Variants in STAG1 observed in about 807,000 individuals in gnomAD.
STAG1 encodes the protein STAG1 cohesin complex component.
STAG1 carries 26 observed loss-of-function variants against 170.9 expected under a neutral mutation model. The ratio of observed to expected loss-of-function variants is 0.15; its 90% confidence interval spans 0.11 to 0.21. The LOEUF is 0.21. STAG1 is among the 10% of genes least tolerant of loss of function. STAG1 has a pLI of 1.00. For missense variants in STAG1, 964 were observed against 1,509.5 expected, an observed-to-expected ratio of 0.64 and a Z score of 5.99; for synonymous variants, 514 against 497.7, an observed-to-expected ratio of 1.03 and a Z score of -0.44.
chr3:136,747,271 CAAAA>C (rs767416797), intron 1 of STAG1, among the ~76,000 whole-genome samples: 3 of 98,356 alleles, frequency 3.1e-5, no homozygotes, highest in Admixed American at 2.1e-4. Flanking sequence ...AGACTCGTCC[CAAAA>C]AAAAAAAAAA....
intron 22 of STAG1, among the ~76,000 whole-genome samples, chr3:136,397,231 T>C (rs1221871706): frequency 6.6e-6 from 1 of 152,234 alleles, no homozygotes; most frequent in Admixed American, 6.5e-5. Context: ...AACATTTATA[T>C]TTGTGTCAGA....
chr3:136,501,358 A>G (rs545357649), intron 8 of STAG1, among the ~76,000 whole-genome samples: 15 of 152,314 alleles, frequency 9.8e-5, no homozygotes, highest in Non-Finnish European at 2.2e-4. Context: ...CAGAATGTGA[A>G]ATTAGGAGAG....
chr3:136,610,474 G>A (rs1939217285), intron 3 of STAG1, among the ~76,000 whole-genome samples: 1 of 152,136 alleles, frequency 6.6e-6, no homozygotes, highest in Non-Finnish European at 1.5e-5. Context: ...AATGTGCTGT[G>A]AAAGACTGAA....
intron 1 of STAG1, among the ~76,000 whole-genome samples, chr3:136,715,447 C>T (rs542121497): frequency 2.0e-5 from 3 of 151,572 alleles, no homozygotes; most frequent in African/African-American, 4.8e-5. Flanking sequence ...AGTGAAACCA[C>T]GTCTCTACTA....
rs201240364 is a variant in STAG1, at chr3:136,356,745, TTTTTATTTTA to T, written c.3065+965_3065+974del. Among the ~76,000 whole-genome samples, 972 of 151,694 alleles carry T rather than the reference TTTTTATTTTA, an allele frequency of 6.4e-3. 10 individuals carry two copies. The highest frequency in any genetic ancestry group is 0.022 in the African/African-American group (924 of 41,392). ...ATTATAGTATTATCCTCTAAAAAAG[TTTTTATTTTA>T]TTTTATTTTTTTATTGAGACGGAGT... On this transcript the variant is annotated intron_variant, in intron 28 of 33. Coordinates refer to ENST00000383202, the MANE Select transcript of STAG1 (RefSeq NM_005862.3).
At chr3:136,626,333 G>A (rs1029047477) in intron 2 of STAG1, among the ~76,000 whole-genome samples, 8 of 151,484 alleles carry the variant, frequency 5.3e-5, no homozygotes, top group African/African-American at 1.9e-4. Context: ...GGCTGAGGCA[G>A]GAGAATTGCT....
At chr3:136,498,452 A>G (rs1933282184) in intron 9 of STAG1, among the ~76,000 whole-genome samples, 1 of 151,602 alleles carries the variant, frequency 6.6e-6, no homozygotes, top group South Asian at 2.1e-4. Context: ...GAAAATGTAA[A>G]TAATCAGCAC....
At chr3:136,578,126 A>G (rs897685957) in intron 4 of STAG1, among the ~76,000 whole-genome samples, 2 of 152,220 alleles carry the variant, frequency 1.3e-5, no homozygotes, top group East Asian at 1.9e-4. Flanking sequence ...ATGTGCTTTT[A>G]AAGTTCTGTA....
chr3:136,441,030 CTTTT>C (rs68155305), intron 15 of STAG1, among the ~76,000 whole-genome samples: 4 of 81,954 alleles, frequency 4.9e-5, no homozygotes, highest in Non-Finnish European at 9.7e-5. Flanking sequence ...ACCATCTTTC[CTTTT>C]TTTTTTTTTT....
chr3:136,354,754 C>CAAAAAAA lies in STAG1; in HGVS notation c.3065+2959_3065+2965dup. Among the ~76,000 whole-genome samples the CAAAAAAA allele has an allele frequency of 6.1e-4, 4 of 6,516 alleles. 1 individual carries two copies. The highest frequency in any genetic ancestry group is 2.2e-3 in the African/African-American group (3 of 1,388). The allele number at this position is 6,516 out of a possible 152,430, so 4.3% of individuals were successfully genotyped here. Reference sequence around the variant, plus strand: ...AAGAAGGCAGTAAAGGAGAAAGAACCAAAAAAAAAAAAAACCAAAAAACAA... The same window carrying CAAAAAAA: ...AAGAAGGCAGTAAAGGAGAAAGAACCAAAAAAAAAAAAAAAAAAAAACCAAAAAACAA... On this transcript the variant is annotated intron_variant, in intron 28 of 33. Transcript: ENST00000383202.
At chr3:136,446,241 T>C (rs539586812) in intron 14 of STAG1, among the ~76,000 whole-genome samples, 14 of 152,264 alleles carry the variant, frequency 9.2e-5, no homozygotes, top group African/African-American at 2.9e-4. Context: ...GCTCAGGTTT[T>C]TGTTTTTTGT....
chr3:136,490,923 TAAC>T (rs2090113784), intron 9 of STAG1, among the ~76,000 whole-genome samples: 1 of 152,198 alleles, frequency 6.6e-6, no homozygotes, highest in Admixed American at 6.5e-5. Context: ...ATTACTGAAA[TAAC>T]AATCTTTCTG....
Position 136,477,340 on chromosome 3 carries a change from G to A in STAG1, c.975C>T (p.Ala325=), listed in dbSNP as rs771640948. Residue 325 remains alanine, a synonymous_variant, in exon 10 of 34, where the codon GCC becomes GCT. Transcript: ENST00000383202. ...IGVWMKMYSD[A]FLNDSYLKYV... The stretch of plus-strand genomic sequence containing the variant: ...ATTTTAGGTAACTGTCATTTAGGAA[G>A]GCATCACTATACATTTTCATCCATA... 4.3e-6 allele frequency: 7 copies of A among 1,612,912 alleles called. No homozygotes were observed. The highest frequency in any genetic ancestry group is 5.9e-6 in the Non-Finnish European group (7 of 1,179,654).
intron 16 of STAG1, among the ~76,000 whole-genome samples, chr3:136,428,929 A>G (rs9867368): frequency 0.81 from 122,705 of 152,156 alleles, 49,684 homozygotes; most frequent in East Asian, 0.99. Context: ...GAGGAAAGGA[A>G]TTCGAGACCA....
chr3:136,459,142 C>T (rs781618531), intron 13 of STAG1, among the ~76,000 whole-genome samples: 1 of 151,102 alleles, frequency 6.6e-6, no homozygotes, highest in Non-Finnish European at 1.5e-5. Context: ...TGCTTGAACC[C>T]AGGAGGTGGA....
intron 1 of STAG1, among the ~76,000 whole-genome samples, chr3:136,723,799 C>G (rs1377791291): frequency 7.2e-6 from 1 of 138,744 alleles, no homozygotes; most frequent in Non-Finnish European, 1.6e-5. Flanking sequence ...GTCAGCCCCC[C>G]GCCCGGCCAG....
chr3:136,714,867 C>T (rs1426331736), intron 1 of STAG1, among the ~76,000 whole-genome samples: 1 of 143,316 alleles, frequency 7.0e-6, no homozygotes, highest in African/African-American at 2.6e-5. Context: ...CATGATTATG[C>T]CACTGCACTC....
chr3:136,573,322 A>C (rs1559886170), intron 4 of STAG1, among the ~76,000 whole-genome samples: 2 of 152,218 alleles, frequency 1.3e-5, no homozygotes. Flanking sequence ...AGCCTGTCAT[A>C]AATACAGGGG....
intron 3 of STAG1, among the ~76,000 whole-genome samples, chr3:136,613,609 C>A (rs1939428238): frequency 6.6e-6 from 1 of 152,044 alleles, no homozygotes; most frequent in Non-Finnish European, 1.5e-5. Context: ...GCCTCAGGCT[C>A]CCAAGGAGAT....
Sources: gnomAD v4.1 joint callset for allele counts (sites outside exome capture counted in the v4.1 genomes callset) on GRCh38, gnomAD v4.1.1 for gene constraint, MANE v1.5 for transcripts, NCBI Gene and HGNC (gene_info 2026-07-23, HGNC 2026-07-21) for gene names.